BCO1: variants seen among roughly 807,000 people sequenced by gnomAD.
BCO1 encodes beta,beta-carotene 15,15'-dioxygenase.
BCO1 carries 54 observed loss-of-function variants against 56.3 expected under a neutral mutation model. The ratio of observed to expected loss-of-function variants is 0.96; its 90% confidence interval spans 0.77 to 1.20. The LOEUF is 1.20. BCO1 is among the 50% of genes most tolerant of loss of function. The probability of loss-of-function intolerance (pLI) is 0.00; values close to 1 mark genes in which losing one functional copy is unlikely to be tolerated. For synonymous variants in BCO1, 318 were observed against 266.1 expected (o/e 1.20, Z -1.90); for missense variants, 801 against 690.9 (o/e 1.16, Z -1.79).
intron 1 of BCO1, among the ~76,000 whole-genome samples, chr16:81,244,421 T>C (rs942077004): frequency 7.3e-6 from 1 of 137,542 alleles, no homozygotes; most frequent in Non-Finnish European, 1.7e-5. Context: ...AAATTGCTAA[T>C]GAGATGGTTC....
At chr16:81,267,648 C>T (rs1047434345) in intron 5 of BCO1, among the ~76,000 whole-genome samples, 61 of 152,088 alleles carry the variant, frequency 4.0e-4, no homozygotes, top group African/African-American at 1.4e-3. Flanking sequence ...AGCCCCCAGG[C>T]TATAGGTGAA....
At chr16:81,276,564 G>A (rs1296431874) in intron 7 of BCO1, among the ~76,000 whole-genome samples, 1 of 152,186 alleles carries the variant, frequency 6.6e-6, no homozygotes, top group East Asian at 1.9e-4. Context: ...GGAGCCAAGG[G>A]CCAGAGACTG....
At chr16:81,276,704 T>C (rs538968792) in intron 7 of BCO1, among the ~76,000 whole-genome samples, 11 of 152,356 alleles carry the variant, frequency 7.2e-5, no homozygotes, top group African/African-American at 2.6e-4. Flanking sequence ...CGAGTTGTTA[T>C]TGTACACTTG....
At chr16:81,290,278 T>A in intron 10 of BCO1, 70 bp from the exon 11 acceptor site, 1 of 1,262,638 alleles carries the variant, frequency 7.9e-7, no homozygotes, top group South Asian at 1.2e-5. Context: ...CAGAGAGACA[T>A]GCTGAGAAAT....
At chr16:81,251,348 C>G (rs1415270670) in intron 2 of BCO1, among the ~76,000 whole-genome samples, 3 of 151,938 alleles carry the variant, frequency 2.0e-5, no homozygotes, top group African/African-American at 7.2e-5. Flanking sequence ...CCCTTGAGCC[C>G]AGGAGTTCAA....
At position 81,259,363 on chromosome 16, in the gene BCO1, G is replaced by A. The variant is rs571610129; in HGVS notation, c.194-313G>A. 2.0e-4 allele frequency among the ~76,000 whole-genome samples: 30 copies of A among 152,134 alleles called. No homozygotes were observed. The South Asian group carries it at 5.6e-3, about 28-fold the overall frequency. Reference sequence around the variant, plus strand: ...ACAAAAATTTGCTGGTCGTGGTGGCGCATGCCTATAATCCTAGCCACTCAG... The same window carrying A: ...ACAAAAATTTGCTGGTCGTGGTGGCACATGCCTATAATCCTAGCCACTCAG... On this transcript the variant is annotated intron_variant, in intron 2 of 10. Transcript: ENST00000258168.
Position 81,242,187 on chromosome 16 carries a change from GCTGT to G in BCO1, c.64+3218_64+3221del, listed in dbSNP as rs1471027503. 6.8e-5 allele frequency among the ~76,000 whole-genome samples: 10 copies of G among 148,046 alleles called. 1 individual carries two copies. Among genetic ancestry groups the G allele is most frequent in the African/African-American group, 2.3e-4 (9 of 39,760 alleles). ...GTAGGTGCCCAAGGCAAGAGACTTG[GCTGT>G]CTTTTTTTTTTTTTTTTTTTTTTTT... On this transcript the variant is annotated intron_variant, in intron 1 of 10. Transcript: ENST00000258168.
intron 3 of BCO1, chr16:81,261,898 C>T (rs995167152): frequency 5.7e-5 from 24 of 422,600 alleles, no homozygotes; most frequent in African/African-American, 3.9e-4. Flanking sequence ...CCTGCCACCA[C>T]GCCCGGCTGA....
At chr16:81,280,988 T>G (rs534053032) in intron 8 of BCO1, 26 bp downstream of exon 8, 1 of 1,556,688 alleles carries the variant, frequency 6.4e-7, no homozygotes. Context: ...TTGTCCTGAG[T>G]TTAGGAAAGG....
chr16:81,242,013 A>G (rs887190562), intron 1 of BCO1, among the ~76,000 whole-genome samples: 2 of 152,082 alleles, frequency 1.3e-5, no homozygotes, highest in Admixed American at 6.6e-5. Flanking sequence ...TAATCCACCT[A>G]GAACACAGTG....
chr16:81,254,994 A>G (rs1260585026), intron 2 of BCO1, among the ~76,000 whole-genome samples: 2 of 152,106 alleles, frequency 1.3e-5, no homozygotes, highest in East Asian at 3.9e-4. Context: ...ATGCTGCCCA[A>G]GTAGTCTTGA....
intron 2 of BCO1, among the ~76,000 whole-genome samples, chr16:81,249,653 G>C (rs1905665585): frequency 6.6e-6 from 1 of 152,118 alleles, no homozygotes; most frequent in South Asian, 2.1e-4. Flanking sequence ...CACCAGCATG[G>C]GCCTCCCAAA....
At chr16:81,268,480 C>G (rs1221763891) in intron 6 of BCO1, among the ~76,000 whole-genome samples, 1 of 152,202 alleles carries the variant, frequency 6.6e-6, no homozygotes, top group Non-Finnish European at 1.5e-5. Context: ...GCCCTGTTGA[C>G]AAGACCCCTT....
intron 4 of BCO1, among the ~76,000 whole-genome samples, chr16:81,264,382 C>G (rs1188082872): frequency 6.6e-6 from 1 of 152,194 alleles, no homozygotes; most frequent in African/African-American, 2.4e-5. Context: ...TCCCCTGCAA[C>G]CTATTAGCTG....
chr16:81,254,418 T>G (rs1203987999), intron 2 of BCO1, among the ~76,000 whole-genome samples: 1 of 149,366 alleles, frequency 6.7e-6, no homozygotes, highest in Non-Finnish European at 1.5e-5. Flanking sequence ...CCCAAAGTGC[T>G]GGGATTACAG....
intron 10 of BCO1, among the ~76,000 whole-genome samples, chr16:81,288,307 G>C (rs959117480): frequency 1.1e-4 from 17 of 152,172 alleles, no homozygotes; most frequent in Admixed American, 4.6e-4. Flanking sequence ...CTGTTGCCCA[G>C]GCTGGAGTGT....
At chr16:81,244,336 G>GA (rs988743894) in intron 1 of BCO1, among the ~76,000 whole-genome samples, 3 of 152,172 alleles carry the variant, frequency 2.0e-5, no homozygotes, top group African/African-American at 7.2e-5. Context: ...AGAAGCAGGT[G>GA]AAATTATTTC....
At chr16:81,251,410 G>A (rs1022290626) in intron 2 of BCO1, among the ~76,000 whole-genome samples, 3 of 151,848 alleles carry the variant, frequency 2.0e-5, no homozygotes, top group Non-Finnish European at 4.4e-5. Context: ...AAATCAAAAA[G>A]TTATCCAGGC....
Position 81,270,169 on chromosome 16 carries a change from A to G in BCO1, c.854A>G (p.His285Arg), listed in dbSNP as rs1417922546. Residue 285 changes from histidine to arginine, a missense_variant, in exon 7 of 11, where the codon CAC (histidine) becomes CGC (arginine). Physicochemically the swap from His to Arg is conservative, Grantham distance 29 (BLOSUM62 0). Transcript: ENST00000258168. The stretch of plus-strand genomic sequence containing the variant: ...TGTGTCCTTTTTCAGACTTATATCC[A>G]CATCATCGACCAAAGGACCAGGCAG... ...AFHREEKTYI[H>R]IIDQRTRQPV... 1 of 1,614,166 alleles carries G rather than the reference A, an allele frequency of 6.2e-7. No homozygotes were observed. The highest frequency in any genetic ancestry group is 8.5e-7 in the Non-Finnish European group (1 of 1,180,040).
Sources: allele counts gnomAD v4.1 joint callset (sites outside exome capture counted in the v4.1 genomes callset), GRCh38; gene constraint gnomAD v4.1.1; transcripts MANE v1.5; gene names NCBI Gene and HGNC (gene_info 2026-07-23, HGNC 2026-07-21).